FBXL13: variants seen among roughly 807,000 people sequenced by gnomAD.
FBXL13 encodes the protein F-box and leucine-rich repeat protein 13.
A neutral mutation model predicts 83.6 loss-of-function variants in FBXL13; 67 were observed. That is an observed-to-expected ratio of 0.80 (90% CI 0.66 to 0.98). The LOEUF (loss-of-function observed/expected upper bound fraction) is 0.98. Ranked by LOEUF, FBXL13 falls within the 50% of genes least tolerant of loss-of-function variation. The probability of loss-of-function intolerance (pLI) is 0.00; values close to 1 mark genes in which losing one functional copy is unlikely to be tolerated. For missense variants in FBXL13, 822 were observed against 866.5 expected, an observed-to-expected ratio of 0.95 and a Z score of 0.64; for synonymous variants, 272 against 299.5, an observed-to-expected ratio of 0.91 and a Z score of 0.95.
chr7:103,008,506 T>A (rs182370192), intron 6 of FBXL13, among the ~76,000 whole-genome samples: 2 of 152,342 alleles, frequency 1.3e-5, no homozygotes, highest in East Asian at 3.9e-4. Context: ...AACTTTCCTA[T>A]AAGTTTGAGA....
At chr7:103,039,621 G>A (rs117073874) in intron 2 of FBXL13, among the ~76,000 whole-genome samples, 1 of 152,244 alleles carries the variant, frequency 6.6e-6, no homozygotes, top group Non-Finnish European at 1.5e-5. Flanking sequence ...GACTAACAGG[G>A]GATCTCTCGG....
At chr7:102,824,213 C>G (rs76186243) in intron 18 of FBXL13, among the ~76,000 whole-genome samples, 6,303 of 152,270 alleles carry the variant, frequency 0.041, 328 homozygotes, top group East Asian at 0.16. Flanking sequence ...TAAGGTCCTG[C>G]TCCCAGCCTC....
intron 6 of FBXL13, among the ~76,000 whole-genome samples, chr7:102,986,017 G>C (rs1828903551): frequency 6.8e-6 from 1 of 147,830 alleles, no homozygotes; most frequent in African/African-American, 2.5e-5. Flanking sequence ...CTGGCACGAT[G>C]CCCCCCCCCC....
Position 103,063,393 on chromosome 7 carries a change from T to A in FBXL13, c.-104-7646A>T, listed in dbSNP as rs1798105428. Among the ~76,000 whole-genome samples the A allele has an allele frequency of 2.0e-5, 3 of 152,218 alleles. No homozygotes were observed. In the South Asian group the frequency reaches 6.2e-4, roughly 32 times the overall value. ...AGATGATTTAAAGTATAGAAGAGGA[T>A]GTGTATAGGTTATATACAAATGCTA... On this transcript the variant is annotated intron_variant, in intron 1 of 19. Transcript: ENST00000313221.
chr7:102,912,681 C>CT (rs201576260), intron 11 of FBXL13, among the ~76,000 whole-genome samples: 4 of 140,718 alleles, frequency 2.8e-5, no homozygotes, highest in African/African-American at 7.9e-5. Flanking sequence ...ACCCCCCCCC[C>CT]CCCAAAAAAA....
chr7:103,001,330 G>A, intron 6 of FBXL13, among the ~76,000 whole-genome samples: 1 of 152,020 alleles, frequency 6.6e-6, no homozygotes, highest in African/African-American at 2.4e-5. Context: ...TTTCTTGTAG[G>A]CAGTATATAT....
At chr7:102,866,722 C>T (rs1300568569) in intron 16 of FBXL13, among the ~76,000 whole-genome samples, 1 of 152,182 alleles carries the variant, frequency 6.6e-6, no homozygotes, top group Admixed American at 6.5e-5. Context: ...GCTTCCACTC[C>T]AGCCCAGAGC....
intron 2 of FBXL13, among the ~76,000 whole-genome samples, chr7:103,037,930 C>A (rs1008990308): frequency 1.3e-5 from 2 of 152,004 alleles, no homozygotes; most frequent in Non-Finnish European, 2.9e-5. Flanking sequence ...GTATCTGGTG[C>A]ACCTCACTGG....
At position 102,884,236 on chromosome 7, in the gene FBXL13, GT is replaced by G; in HGVS notation, c.1084del (p.Thr362LeufsTer2). On this transcript the variant is annotated frameshift_variant, in exon 12 of 20. Transcript: ENST00000313221. LOFTEE classifies it high-confidence loss of function. ...TACTTTTACACAGTTGTCCGTCAGA[GT>G]TGGCATGTCATTAATGGTAAGATGC... 6.2e-7 allele frequency: 1 copy of G among 1,613,530 alleles called. No individual in the cohort carries two copies. Among genetic ancestry groups the G allele is most frequent in the Non-Finnish European group, 8.5e-7 (1 of 1,179,554 alleles).
chr7:102,843,209 T>G (rs1803277879), intron 17 of FBXL13, among the ~76,000 whole-genome samples: 1 of 152,134 alleles, frequency 6.6e-6, no homozygotes, highest in Non-Finnish European at 1.5e-5. Context: ...TTTGGGAGGC[T>G]GAGACAGGCG....
intron 6 of FBXL13, among the ~76,000 whole-genome samples, chr7:102,994,502 T>C (rs1048417987): frequency 1.3e-5 from 2 of 151,996 alleles, no homozygotes; most frequent in Non-Finnish European, 2.9e-5. Context: ...AGTTTTGTAG[T>C]TGTCTGACTT....
Position 102,934,705 on chromosome 7 carries a change from T to G in FBXL13, c.725-2772A>C, listed in dbSNP as rs747585651. 2.1e-5 allele frequency: 32 copies of G among 1,547,102 alleles called. No homozygotes were observed. In the Middle Eastern group the frequency reaches 7.0e-4, roughly 34 times the overall value. Reference sequence around the variant, plus strand: ...GGAAAGGTTTGTACTTTTCTTACTTTTTCATTTTCATGAATAACTTGAAAT... The same window carrying G: ...GGAAAGGTTTGTACTTTTCTTACTTGTTCATTTTCATGAATAACTTGAAAT... On this transcript the variant is annotated intron_variant, in intron 8 of 19. Coordinates refer to ENST00000313221, the Ensembl canonical transcript of FBXL13.
At chr7:103,045,880 C>T (rs961846865) in intron 2 of FBXL13, among the ~76,000 whole-genome samples, 6 of 152,208 alleles carry the variant, frequency 3.9e-5, no homozygotes, top group East Asian at 1.9e-4. Context: ...AGTCTCACCA[C>T]GTCATTCATA....
At chr7:103,062,025 C>CAAAAAAAAA (rs59881447) in intron 1 of FBXL13, among the ~76,000 whole-genome samples, 1 of 99,800 alleles carries the variant, frequency 1.0e-5, no homozygotes, top group Non-Finnish European at 1.9e-5. Flanking sequence ...TCATAATTAC[C>CAAAAAAAAA]AAAAAAAAAA....
chr7:102,996,276 TG>T (rs1352667581), intron 6 of FBXL13, among the ~76,000 whole-genome samples: 1 of 152,176 alleles, frequency 6.6e-6, no homozygotes, highest in African/African-American at 2.4e-5. Flanking sequence ...TGCTAGACTG[TG>T]GGTGCTGTGG....
In FBXL13 at chr7:102,846,902, T is replaced by C. The variant is rs1457232019; in HGVS notation, c.1719+7875A>G. 2.6e-5 allele frequency among the ~76,000 whole-genome samples: 4 copies of C among 152,204 alleles called. No individual in the cohort carries two copies. The East Asian group carries it at 7.7e-4, about 29-fold the overall frequency. ...TCAATGCTCACTGACGGTGGCTGTCTGCCTGCCCAGCTAACCTGTAGTTCT... is the reference window on the plus strand; with the variant it reads ...TCAATGCTCACTGACGGTGGCTGTCCGCCTGCCCAGCTAACCTGTAGTTCT... On this transcript the variant is annotated intron_variant, in intron 17 of 19. Coordinates refer to ENST00000313221, the Ensembl canonical transcript of FBXL13.
At chr7:102,884,165 A>G (rs1810477592) in intron 12 of FBXL13, 49 bp downstream of exon 13, 1 of 1,279,572 alleles carries the variant, frequency 7.8e-7, no homozygotes, top group Non-Finnish European at 1.1e-6. Flanking sequence ...ATTAGAACAT[A>G]TATCTATCTT....
exon 6 of FBXL13, chr7:103,025,211 T>C (rs1437299967): frequency 2.5e-6 from 4 of 1,579,560 alleles, no homozygotes; most frequent in Non-Finnish European, 3.5e-6. Flanking sequence ...TTTTTTCAAT[T>C]GAAGTTCATG....
At chr7:102,970,486 A>T (rs1033724171) in intron 6 of FBXL13, among the ~76,000 whole-genome samples, 1 of 152,208 alleles carries the variant, frequency 6.6e-6, no homozygotes, top group Non-Finnish European at 1.5e-5. Context: ...ATTAATGTGC[A>T]AAGAGGTTCC....
Sources: allele counts gnomAD v4.1 joint callset (sites outside exome capture counted in the v4.1 genomes callset), GRCh38; gene constraint gnomAD v4.1.1; transcripts MANE v1.5; gene names NCBI Gene and HGNC (gene_info 2026-07-23, HGNC 2026-07-21).